The following SF3B3 variants were observed in gnomAD, a reference collection of about 807,000 sequenced individuals.
The protein encoded by SF3B3 is splicing factor 3b subunit 3, also known as SAP 130.
Under a neutral mutation model 139.2 loss-of-function variants are expected in SF3B3, and 33 were observed. The ratio of observed to expected loss-of-function variants is 0.24; its 90% confidence interval spans 0.18 to 0.32. The LOEUF (loss-of-function observed/expected upper bound fraction) is 0.32, where lower values mean the gene tolerates loss of function less well. SF3B3 is among the 10% of genes least tolerant of loss of function. The probability of loss-of-function intolerance (pLI) is 1.00; values close to 1 mark genes in which losing one functional copy is unlikely to be tolerated. For missense variants in SF3B3, 818 were observed against 1,509.4 expected, an observed-to-expected ratio of 0.54 and a Z score of 7.59; for synonymous variants, 596 against 563.6, an observed-to-expected ratio of 1.06 and a Z score of -0.81.
At chr16:70,549,114 T>C (rs1386509593) in intron 11 of SF3B3, among the ~76,000 whole-genome samples, 5 of 152,256 alleles carry the variant, frequency 3.3e-5, no homozygotes, top group East Asian at 1.9e-4. Flanking sequence ...CTCAGTCTCA[T>C]TTTCCCTTGA....
chr16:70,564,961 T>G, intron 18 of SF3B3, 104 bp from the exon 19 acceptor site: 3 of 1,018,850 alleles, frequency 2.9e-6, no homozygotes, highest in Non-Finnish European at 4.6e-6. Context: ...CTTTGCTGCT[T>G]TATGTATTGA....
chr16:70,545,255 CAG>C (rs2050257166), intron 10 of SF3B3, among the ~76,000 whole-genome samples: 2 of 152,088 alleles, frequency 1.3e-5, no homozygotes, highest in South Asian at 2.1e-4. Flanking sequence ...TTTGTAGAGA[CAG>C]AGTCTTATCA....
chr16:70,565,918 A>G (rs1476475466), intron 20 of SF3B3, among the ~76,000 whole-genome samples: 1 of 151,998 alleles, frequency 6.6e-6, no homozygotes, highest in Non-Finnish European at 1.5e-5. Context: ...GGAGTTCGAG[A>G]CCAGCCCGGC....
At chr16:70,548,636 G>A (rs966234241) in intron 11 of SF3B3, 194 bp downstream of exon 11, 10 of 556,336 alleles carry the variant, frequency 1.8e-5, no homozygotes, top group Non-Finnish European at 3.2e-5. Flanking sequence ...TGTGCAGGTG[G>A]GAAAGGGGGA....
intron 22 of SF3B3, 124 bp downstream of exon 22, chr16:70,568,619 T>G: frequency 1.4e-6 from 1 of 723,264 alleles, no homozygotes; most frequent in African/African-American, 1.8e-5. Flanking sequence ...TCCATCCTAC[T>G]AAAGCTAACT....
chr16:70,532,873 G>A (rs1258651239), intron 5 of SF3B3, among the ~76,000 whole-genome samples: 1 of 152,156 alleles, frequency 6.6e-6, no homozygotes, highest in Non-Finnish European at 1.5e-5. Context: ...CAGTCAGCTT[G>A]GAATATTGAT....
In SF3B3 at chr16:70,572,435, C is replaced by G. The variant is rs913773639; in HGVS notation, c.*622C>G. ...TTGCGGCACTCTGTGGCTCCCCACC[C>G]CCAGGTCTGTGGTGGTTTCTTTGTT... On this transcript the variant is annotated 3_prime_UTR_variant, in exon 26 of 26. Coordinates refer to ENST00000302516, the MANE Select transcript of SF3B3 (RefSeq NM_012426.5). 6 of 191,902 alleles carry G rather than the reference C, an allele frequency of 3.1e-5. No individual in the cohort carries two copies. The highest frequency in any genetic ancestry group is 6.4e-5 in the Non-Finnish European group (6 of 93,760). 11.9% of individuals were successfully genotyped at this position (191,902 alleles called of 1,614,324 possible).
chr16:70,559,532 C>T (rs1254061986), intron 15 of SF3B3, among the ~76,000 whole-genome samples: 1 of 151,786 alleles, frequency 6.6e-6, no homozygotes, highest in African/African-American at 2.4e-5. Flanking sequence ...ACCAAAAATA[C>T]AAAAAATAGT....
Position 70,539,092 on chromosome 16 carries a change from T to G in SF3B3, c.964-12T>G, listed in dbSNP as rs1173651527. On this transcript the variant is annotated splice_polypyrimidine_tract_variant and intron_variant, in intron 7 of 25. Coordinates refer to ENST00000302516, the MANE Select transcript of SF3B3 (RefSeq NM_012426.5). Reference sequence around the variant, plus strand: ...CTTTGTTTGTACACCAGAATGTTTCTTTTCTCACCAGGTTACTGAGATCCG... The same window carrying G: ...CTTTGTTTGTACACCAGAATGTTTCGTTTCTCACCAGGTTACTGAGATCCG... The G allele has an allele frequency of 1.3e-6, 2 of 1,592,642 alleles. No homozygotes were observed. The highest frequency in any genetic ancestry group is 2.2e-5 in the South Asian group (2 of 90,652).
At chr16:70,524,009 G>A (rs962890404) in intron 1 of SF3B3, 81 bp downstream of exon 1, 8 of 421,406 alleles carry the variant, frequency 1.9e-5, no homozygotes, top group African/African-American at 1.6e-4. Flanking sequence ...AGACTTTGGC[G>A]GGGGTCACGG....
At chr16:70,570,653 C>A (rs1038412066) in intron 24 of SF3B3, among the ~76,000 whole-genome samples, 6 of 152,156 alleles carry the variant, frequency 3.9e-5, no homozygotes, top group Admixed American at 3.3e-4. Flanking sequence ...TTTATAGTGT[C>A]CCAGGGTTTG....
intron 3 of SF3B3, 46 bp downstream of exon 3, chr16:70,529,245 C>T (rs1567408632): frequency 6.7e-7 from 1 of 1,482,074 alleles, no homozygotes; most frequent in Non-Finnish European, 9.3e-7. Flanking sequence ...TTTAGGATAA[C>T]AATGCTGTGC....
At chr16:70,570,230 T>C in intron 24 of SF3B3, 81 bp downstream of exon 24, 2 of 1,324,372 alleles carry the variant, frequency 1.5e-6, no homozygotes, top group Non-Finnish European at 2.1e-6. Context: ...TCAAATTCAT[T>C]TGTCCCCACA....
chr16:70,546,291 CGTTA>C (rs753091809), intron 10 of SF3B3, among the ~76,000 whole-genome samples: 11 of 152,136 alleles, frequency 7.2e-5, no homozygotes, highest in Non-Finnish European at 1.2e-4. Context: ...GCTCTTGATT[CGTTA>C]GTTACTTATT....
At position 70,552,095 on chromosome 16, in the gene SF3B3, C is replaced by G. The variant is rs76235590; in HGVS notation, c.1403-2351C>G. On this transcript the variant is annotated intron_variant, in intron 11 of 25. Coordinates refer to ENST00000302516, the MANE Select transcript of SF3B3 (RefSeq NM_012426.5). ...TGTTTGAGTAGTCTGAAGTCTTGGT[C>G]GAAGGAAAGGCACCCCTCCTCCCTT... Among the ~76,000 whole-genome samples, 83 of 152,214 alleles carry G rather than the reference C, an allele frequency of 5.5e-4. No homozygotes were observed. The East Asian group carries it at 0.012, about 22-fold the overall frequency.
intron 13 of SF3B3, 92 bp downstream of exon 13, chr16:70,555,298 T>G (rs1033510370): frequency 1.6e-6 from 2 of 1,212,554 alleles, no homozygotes; most frequent in Admixed American, 3.7e-5. Flanking sequence ...GATAGTATGG[T>G]GAAATCCTGT....
At chr16:70,537,942 G>A (rs2050183607) in intron 6 of SF3B3, 2 of 491,044 alleles carry the variant, frequency 4.1e-6, no homozygotes, top group Non-Finnish European at 8.1e-6. Flanking sequence ...TACCTAAGGA[G>A]GTGCCTTTTA....
chr16:70,573,954 G>A lies in SF3B3; in HGVS notation c.*2141G>A, dbSNP rs562260634. 20 of 152,326 alleles carry A rather than the reference G, an allele frequency of 1.3e-4. No homozygotes were observed. The highest frequency in any genetic ancestry group is 1.1e-3 in the Admixed American group (17 of 15,300). 9.4% of individuals were successfully genotyped at this position (152,326 alleles called of 1,614,324 possible). On this transcript the variant is annotated 3_prime_UTR_variant, in exon 26 of 26. Transcript: ENST00000302516. ...AATAGCATTCCTTTGGAGGAGGGGG[G>A]TTCTAGTTGGAATGTTGCTTTTCTT... is the stretch of plus-strand genomic sequence containing the variant.
chr16:70,537,324 C>T (rs965976956), intron 6 of SF3B3, among the ~76,000 whole-genome samples: 3 of 152,062 alleles, frequency 2.0e-5, no homozygotes, highest in Non-Finnish European at 2.9e-5. Flanking sequence ...TTCATTGTAA[C>T]GGTATTGTTT....
Sources: gnomAD v4.1 joint callset for allele counts (sites outside exome capture counted in the v4.1 genomes callset) on GRCh38, gnomAD v4.1.1 for gene constraint, MANE v1.5 for transcripts, NCBI Gene and HGNC (gene_info 2026-07-23, HGNC 2026-07-21) for gene names.